The following INCENP variants were observed in gnomAD, a reference collection of about 807,000 sequenced individuals.
The protein encoded by INCENP is binds and activates aurora-B and -C in vivo and in vitro.
INCENP carries 43 observed loss-of-function variants against 107.3 expected under a neutral mutation model. That is an observed-to-expected ratio of 0.40 (90% confidence interval 0.31 to 0.52). INCENP has a LOEUF of 0.52. Among genes scored for constraint, INCENP ranks in the 20% least tolerant of loss-of-function variants. The probability of loss-of-function intolerance (pLI) is 0.53; values close to 1 mark genes in which losing one functional copy is unlikely to be tolerated. For missense variants in INCENP, 1,089 were observed against 1,250.9 expected (o/e 0.87, Z 1.95); for synonymous variants, 488 against 494.4 (o/e 0.99, Z 0.17).
At chr11:62,144,399 A>G (rs1006565018) in intron 11 of INCENP, among the ~76,000 whole-genome samples, 4 of 149,906 alleles carry the variant, frequency 2.7e-5, no homozygotes, top group Admixed American at 2.6e-4. Flanking sequence ...ATAAAAGAAA[A>G]TTAATACCAT....
chr11:62,146,637 T>C, intron 14 of INCENP, 21 bp from the exon 15 acceptor site: 2 of 1,550,308 alleles, frequency 1.3e-6, no homozygotes, highest in Admixed American at 2.0e-5. Context: ...CCGCAGCACC[T>C]GACCTTGCTC....
chr11:62,145,157 T>C lies in INCENP; in HGVS notation c.1716-12T>C, dbSNP rs1046759000. 10 of 1,614,010 alleles carry C rather than the reference T, an allele frequency of 6.2e-6. No homozygotes were observed. Among genetic ancestry groups the C allele is most frequent in the Non-Finnish European group, 8.5e-6 (10 of 1,180,020 alleles). ...TTGGTGGGGCTCCCCATGACTATCC[T>C]ATGCCCCGCAGGAAGCGTGAGGAAC... On this transcript the variant is annotated splice_polypyrimidine_tract_variant and intron_variant, in intron 12 of 18. Coordinates refer to ENST00000394818, the MANE Select transcript of INCENP (RefSeq NM_001040694.2).
chr11:62,129,387 C>T (rs1413234849), intron 3 of INCENP, among the ~76,000 whole-genome samples: 6 of 152,180 alleles, frequency 3.9e-5, no homozygotes. Context: ...GAATTTCTGC[C>T]TCTCTGAGCC....
At chr11:62,140,348 C>A in intron 8 of INCENP, 63 bp downstream of exon 8, 2 of 1,413,780 alleles carry the variant, frequency 1.4e-6, no homozygotes, top group South Asian at 1.2e-5. Context: ...GGCCTTGTGT[C>A]CTTGCTCAGG....
At chr11:62,148,337 T>TA (rs1944299557) in intron 15 of INCENP, 139 bp from the exon 16 acceptor site, 1 of 738,716 alleles carries the variant, frequency 1.4e-6, no homozygotes, top group Admixed American at 2.8e-5. Flanking sequence ...CTCTTGGCTC[T>TA]AAGCTGGTTG....
At position 62,145,203 on chromosome 11, in the gene INCENP, G is replaced by A; in HGVS notation, c.1750G>A (p.Ala584Thr). 1.2e-6 allele frequency: 2 copies of A among 1,614,152 alleles called. No individual in the cohort carries two copies. Among genetic ancestry groups the A allele is most frequent in the Non-Finnish European group, 1.7e-6 (2 of 1,180,030 alleles). Reference sequence around the variant, plus strand: ...GGAACGCCTCCGCAAGGTGCTGCAGGCCCGCGAGCGGGTGGAGCAGATGAA... The same window carrying A: ...GGAACGCCTCCGCAAGGTGCTGCAGACCCGCGAGCGGGTGGAGCAGATGAA... ...REERLRKVLQ[A>T]RERVEQMKEE... Residue 584 changes from alanine to threonine, a missense_variant, in exon 13 of 19, where the codon GCC becomes ACC. Ala to Thr is a moderately conservative substitution (Grantham distance 58, BLOSUM62 0). Transcript: ENST00000394818.
Position 62,138,946 on chromosome 11 carries a change from G to A in INCENP, c.1232G>A (p.Ser411Asn), listed in dbSNP as rs1165109306. Residue 411 changes from serine to asparagine, a missense_variant, in exon 7 of 19, where the codon AGC becomes AAC. By Grantham distance (46) the Ser-to-Asn change is conservative (BLOSUM62 1). Coordinates refer to ENST00000394818, the MANE Select transcript of INCENP (RefSeq NM_001040694.2). ...WPHNDTEIAN[S>N]TPNPKPAASS... Reference sequence around the variant, plus strand: ...CACAATGACACGGAGATTGCCAACAGCACACCCAACCCGAAGCCTGCAGCC... The same window carrying A: ...CACAATGACACGGAGATTGCCAACAACACACCCAACCCGAAGCCTGCAGCC... 6.2e-7 allele frequency: 1 copy of A among 1,614,146 alleles called. No homozygotes were observed. Among genetic ancestry groups the A allele is most frequent in the South Asian group, 1.1e-5 (1 of 91,082 alleles).
At chr11:62,140,641 T>C in intron 8 of INCENP, 63 bp from the exon 9 acceptor site, 3 of 1,409,578 alleles carry the variant, frequency 2.1e-6, no homozygotes, top group Non-Finnish European at 2.0e-6. Flanking sequence ...GGGGTGACTT[T>C]TGATGGGGTG....
At chr11:62,135,917 C>T (rs774321658) in intron 4 of INCENP, among the ~76,000 whole-genome samples, 1 of 152,170 alleles carries the variant, frequency 6.6e-6, no homozygotes, top group African/African-American at 2.4e-5. Flanking sequence ...TCACGCCATT[C>T]TCCTGCCTCA....
Position 62,146,887 on chromosome 11 carries a change from G to A in INCENP, c.2189G>A (p.Arg730Gln), listed in dbSNP as rs753193933. The change falls in exon 15 of 19, where the codon CGG becomes CAG. Residue 730 changes from arginine to glutamine, a missense_variant. Coordinates refer to ENST00000394818, the MANE Select transcript of INCENP (RefSeq NM_001040694.2). ...AEQERRREQE[R>Q]LQAERELQER... ...CAGGAGCGTCGGCGGGAGCAGGAGC[G>A]GCTCCAGGCCGAGAGGTGAGGGACC... 2.3e-5 allele frequency: 37 copies of A among 1,600,572 alleles called. No individual in the cohort carries two copies. The highest frequency in any genetic ancestry group is 3.4e-5 in the Admixed American group (2 of 59,318).
chr11:62,132,109 G>A (rs1355411592), intron 4 of INCENP, among the ~76,000 whole-genome samples: 1 of 152,208 alleles, frequency 6.6e-6, no homozygotes, highest in Non-Finnish European at 1.5e-5. Context: ...CTCAACGCAT[G>A]TTAAATAGTA....
chr11:62,149,346 G>T (rs887855400), intron 17 of INCENP, among the ~76,000 whole-genome samples: 1 of 151,930 alleles, frequency 6.6e-6, no homozygotes, highest in Non-Finnish European at 1.5e-5. Context: ...TACCTTAATT[G>T]TGCTGGAATT....
rs1944305984 is a variant in INCENP at position 62,148,551 on chromosome 11, G to A, written c.2280G>A (p.Lys760=). ...AGAGGGAACTGGAGGAGAAGAAGAA[G>A]AAGGTGAGGGGAGCTGGGTTGCGGG... The part of the protein sequence containing the change: ...QLQRELEEKK[K]KEEQQRLAER... Residue 760 remains lysine, a synonymous_variant, in exon 16 of 19, where the codon AAG becomes AAA. Coordinates refer to ENST00000394818, the MANE Select transcript of INCENP (RefSeq NM_001040694.2). 1.2e-6 allele frequency: 2 copies of A among 1,605,454 alleles called. No homozygotes were observed. The highest frequency in any genetic ancestry group is 1.7e-5 in the Admixed American group (1 of 58,232).
At position 62,148,981 on chromosome 11, in the gene INCENP, T is replaced by A. The variant is rs1792885; in HGVS notation, c.2391+135T>A. On this transcript the variant is annotated intron_variant, in intron 17 of 18. Transcript: ENST00000394818. ...TACACTTGGCCCAATTGTTTTTACT[T>A]CTTTTTATATTCTTTGTTATTCTAA... 4,030 of 491,134 alleles carry A rather than the reference T, an allele frequency of 8.2e-3. 149 individuals carry two copies. Among genetic ancestry groups the A allele is most frequent in the African/African-American group, 0.073 (3,638 of 49,500 alleles). The allele number at this position is 491,134 out of a possible 1,614,324, so 30.4% of individuals were successfully genotyped here.
rs1943872158 is a variant in INCENP at position 62,130,579 on chromosome 11, G to T, written c.1052G>T (p.Gly351Val). ...ACTGCCGAAGAGCCAGCTGCCTCTGGCCGCATCATCTGTGAGTCTGGGGGC... is the reference window on the plus strand; with the variant it reads ...ACTGCCGAAGAGCCAGCTGCCTCTGTCCGCATCATCTGTGAGTCTGGGGGC... ...KKTAEEPAASGRIICHSYLER... is the reference protein window; with the variant it reads ...KKTAEEPAASVRIICHSYLER... The change falls in exon 4 of 19, where the codon GGC (glycine) becomes GTC (valine). Residue 351 changes from glycine (G) to valine (V), a missense_variant. Physicochemically the swap from Gly to Val is moderately radical, Grantham distance 109. Transcript: ENST00000394818. 1.2e-6 allele frequency: 2 copies of T among 1,611,636 alleles called. No individual in the cohort carries two copies. Among genetic ancestry groups the T allele is most frequent in the South Asian group, 2.2e-5 (2 of 90,760 alleles).
chr11:62,136,907 A>G (rs753434031), intron 4 of INCENP, among the ~76,000 whole-genome samples: 9 of 152,216 alleles, frequency 5.9e-5, no homozygotes, highest in South Asian at 2.1e-4. Context: ...TAATTTTAGT[A>G]TCATGATTAG....
At chr11:62,142,412 A>G (rs1944144176) in intron 11 of INCENP, among the ~76,000 whole-genome samples, 1 of 152,228 alleles carries the variant, frequency 6.6e-6, no homozygotes, top group East Asian at 1.9e-4. Flanking sequence ...TGTGCCGATT[A>G]GAGCCCTGCA....
chr11:62,145,486 C>T (rs1034250179), intron 13 of INCENP, 143 bp from the exon 14 acceptor site: 22 of 1,309,356 alleles, frequency 1.7e-5, no homozygotes, highest in Admixed American at 2.7e-5. Flanking sequence ...CAGGCAGGAC[C>T]GGCTTCTGGT....
rs781478310 is a variant in INCENP, at chr11:62,130,195, C to T, written c.668C>T (p.Ser223Leu). The T allele has an allele frequency of 1.9e-6, 3 of 1,613,852 alleles. No homozygotes were observed. Among genetic ancestry groups the T allele is most frequent in the Admixed American group, 3.3e-5 (2 of 60,002 alleles). ...TSDEESTPKK[S>L]KARILESITV... is the part of the protein sequence containing the mutation. ...GATGAGGAATCAACACCTAAGAAGTCGAAGGCCAGGATACTGGAGTCCATC... is the reference window on the plus strand; with the variant it reads ...GATGAGGAATCAACACCTAAGAAGTTGAAGGCCAGGATACTGGAGTCCATC... Residue 223 changes from serine (S) to leucine (L), a missense_variant, in exon 4 of 19, where the codon TCG (serine) becomes TTG (leucine). By Grantham distance (145) the Ser-to-Leu change is moderately radical. Coordinates refer to ENST00000394818, the MANE Select transcript of INCENP (RefSeq NM_001040694.2).
Sources: allele counts gnomAD v4.1 joint callset (sites outside exome capture counted in the v4.1 genomes callset), GRCh38; gene constraint gnomAD v4.1.1; transcripts MANE v1.5; gene names NCBI Gene and HGNC (gene_info 2026-07-23, HGNC 2026-07-21).